The following PUDP variants were observed in gnomAD, a reference collection of about 807,000 sequenced individuals.
PUDP encodes the protein pseudouridine-5'-phosphatase.
PUDP carries 8 observed loss-of-function variants against 9.4 expected under a neutral mutation model. The ratio of observed to expected loss-of-function variants is 0.85; its 90% CI spans 0.50 to 1.53. PUDP has a LOEUF of 1.53. Among genes scored for constraint, PUDP ranks in the 40% most tolerant of loss-of-function variants. PUDP has a pLI of 0.00. For missense variants in PUDP, 188 were observed against 189.7 expected (o/e 0.99, Z 0.05); for synonymous variants, 99 against 80.7 (o/e 1.23, Z -1.22).
chrX:6,878,691 G>A (rs975092270), intron 3 of PUDP, among the ~76,000 whole-genome samples: 1 of 112,071 alleles, frequency 8.9e-6, no homozygotes, highest in Admixed American at 9.5e-5. Flanking sequence ...ATGTTACAAA[G>A]TTTTCAGCTG....
At chrX:6,811,176 A>G (rs1926138159) in intron 3 of PUDP, among the ~76,000 whole-genome samples, 1 of 111,634 alleles carries the variant, frequency 9.0e-6, no homozygotes, top group Non-Finnish European at 1.9e-5. Flanking sequence ...GCATTGATAC[A>G]CTTGCACTGA....
intron 1 of PUDP, among the ~76,000 whole-genome samples, chrX:7,115,671 G>T (rs1274281227): frequency 1.8e-5 from 2 of 112,207 alleles, no homozygotes; most frequent in African/African-American, 3.2e-5. Flanking sequence ...GTAATCCCTA[G>T]AACCCTAACA....
At chrX:6,764,458 T>A (rs1478540704) in intron 3 of PUDP, among the ~76,000 whole-genome samples, 4 of 111,987 alleles carry the variant, frequency 3.6e-5, no homozygotes, top group Admixed American at 9.5e-5. Flanking sequence ...ATGTTGGTCC[T>A]GCTTTGTAAG....
intron 3 of PUDP, among the ~76,000 whole-genome samples, chrX:6,814,655 T>C (rs1792824238): frequency 8.9e-6 from 1 of 111,897 alleles, no homozygotes; most frequent in South Asian, 3.7e-4. Flanking sequence ...TTTTTTTTGC[T>C]ATAAGCCTTT....
At chrX:6,925,010 G>T (rs1043110758) in intron 3 of PUDP, among the ~76,000 whole-genome samples, 1 of 111,935 alleles carries the variant, frequency 8.9e-6, no homozygotes, top group Non-Finnish European at 1.9e-5. Flanking sequence ...TGCACATCTT[G>T]CCTTAAAATA....
At chrX:7,056,078 C>T (rs977903350) in intron 3 of PUDP, among the ~76,000 whole-genome samples, 3 of 112,151 alleles carry the variant, frequency 2.7e-5, no homozygotes, top group African/African-American at 9.7e-5. Flanking sequence ...ACCAATTACA[C>T]TTGACCTAAA....
intron 3 of PUDP, among the ~76,000 whole-genome samples, chrX:6,765,695 G>A (rs2041352171): frequency 9.0e-6 from 1 of 111,511 alleles, no homozygotes; most frequent in African/African-American, 3.3e-5. Context: ...AAAGATCATA[G>A]AAAGTCCACC....
chrX:6,991,250 C>G (rs984013524), intron 1 of PUDP, among the ~76,000 whole-genome samples: 4 of 111,660 alleles, frequency 3.6e-5, no homozygotes, highest in African/African-American at 1.3e-4. Flanking sequence ...ATCACTTGCA[C>G]TTGAGTCTCT....
intron 3 of PUDP, among the ~76,000 whole-genome samples, chrX:6,750,971 C>G (rs972474289): frequency 9.1e-6 from 1 of 110,212 alleles, no homozygotes; most frequent in Non-Finnish European, 1.9e-5. Flanking sequence ...AACCCCGTCT[C>G]TAGCAAAAAT....
rs186028343 is a variant in PUDP, at chrX:6,979,481, G to T, written c.205-1138C>A. The stretch of plus-strand genomic sequence containing the variant: ...AAATGAATAAGCTGCTCCCACTTTG[G>T]AAATAAAGACAATAGCATAAAATGG... On this transcript the variant is annotated intron_variant and NMD_transcript_variant, in intron 1 of 3. Coordinates refer to the PUDP transcript ENST00000655425. Among the ~76,000 whole-genome samples the T allele has an allele frequency of 2.7e-5, 3 of 112,334 alleles. No individual in the cohort carries two copies. The East Asian group carries it at 8.4e-4, about 31-fold the overall frequency.
At chrX:6,738,707 G>A (rs1009638464) in intron 3 of PUDP, among the ~76,000 whole-genome samples, 17 of 110,731 alleles carry the variant, frequency 1.5e-4, no homozygotes, top group African/African-American at 4.9e-4. Flanking sequence ...CTCAGTACCC[G>A]ACAATGCACA....
intron 1 of PUDP, among the ~76,000 whole-genome samples, chrX:6,719,165 G>C (rs113814288): frequency 0.011 from 1,207 of 111,646 alleles, 8 homozygotes; most frequent in Non-Finnish European, 0.018. Context: ...CTGGAGGCTG[G>C]AAGTCCAAGA....
At chrX:7,038,722 C>T (rs1412679223) in intron 1 of PUDP, among the ~76,000 whole-genome samples, 1 of 111,507 alleles carries the variant, frequency 9.0e-6, no homozygotes, top group African/African-American at 3.3e-5. Context: ...TACTTAGTCA[C>T]TTCATGTTAC....
chrX:6,875,218 G>A (rs888781434), intron 3 of PUDP, among the ~76,000 whole-genome samples: 10 of 110,483 alleles, frequency 9.1e-5, no homozygotes, highest in African/African-American at 2.6e-4. Flanking sequence ...ACAGGTATGC[G>A]CCAACAGGCC....
At chrX:6,964,204 C>CA (rs1377358332) in intron 3 of PUDP, among the ~76,000 whole-genome samples, 38 of 112,389 alleles carry the variant, frequency 3.4e-4, no homozygotes, top group African/African-American at 1.1e-3. Context: ...AAACCTCTTT[C>CA]AATTGAAATA....
At chrX:6,880,193 G>A (rs1270104692) in intron 3 of PUDP, among the ~76,000 whole-genome samples, 1 of 109,417 alleles carries the variant, frequency 9.1e-6, no homozygotes, top group Non-Finnish European at 1.9e-5. Context: ...AGATTTTGGT[G>A]CACCCATCAC....
intron 3 of PUDP, among the ~76,000 whole-genome samples, chrX:6,880,126 A>C (rs1371163309): frequency 9.2e-6 from 1 of 109,258 alleles, no homozygotes; most frequent in Non-Finnish European, 1.9e-5. Flanking sequence ...TAATTTCAAT[A>C]GATTTTTGGG....
intron 3 of PUDP, among the ~76,000 whole-genome samples, chrX:6,924,786 AC>A (rs1351889925): frequency 5.3e-5 from 6 of 112,727 alleles, no homozygotes; most frequent in Admixed American, 1.9e-4. Context: ...TCTTAAAAAA[AC>A]AATGCGTTAT....
At chrX:6,865,926 T>A (rs1386531600) in intron 3 of PUDP, among the ~76,000 whole-genome samples, 1 of 45,694 alleles carries the variant, frequency 2.2e-5, no homozygotes, top group Non-Finnish European at 4.1e-5. Flanking sequence ...ATTTTTTAAG[T>A]TAAAAAAAAT....
Sources: allele counts gnomAD v4.1 joint callset (sites outside exome capture counted in the v4.1 genomes callset), GRCh38; gene constraint gnomAD v4.1.1; transcripts MANE v1.5; gene names NCBI Gene and HGNC (gene_info 2026-07-23, HGNC 2026-07-21).